The following TMEM168 variants were observed in gnomAD, a reference collection of about 807,000 sequenced individuals.
The protein encoded by TMEM168 is transmembrane protein 168.
Under a neutral mutation model 53.2 loss-of-function variants are expected in TMEM168, and 40 were observed. The observed-to-expected ratio is 0.75, with a 90% CI of 0.58 to 0.98. The LOEUF is 0.98. Among genes scored for constraint, TMEM168 ranks in the 50% least tolerant of loss-of-function variants. TMEM168 has a pLI of 0.00. For missense variants in TMEM168, 771 were observed against 828.8 expected, an observed-to-expected ratio of 0.93 and a Z score of 0.86; for synonymous variants, 282 against 293.0, an observed-to-expected ratio of 0.96 and a Z score of 0.38.
rs763357388 is a variant in TMEM168 at position 112,767,675 on chromosome 7, C to T, written c.1616G>A (p.Arg539Gln). 1.2e-5 allele frequency: 20 copies of T among 1,613,778 alleles called. No homozygotes were observed. Among genetic ancestry groups the T allele is most frequent in the South Asian group, 9.9e-5 (9 of 91,078 alleles). ...WREKNGSFCS[R>Q]LIIVLDSENS... ...TTCGCTGTCTAATACGATAATAAGC[C>T]GGGAACAAAAGGAACCATTCTTTTC... Residue 539 changes from arginine (R) to glutamine (Q), a missense_variant, in exon 5 of 5, where the codon CGG becomes CAG. Transcript: ENST00000312814.
chr7:112,780,933 T>C (rs950871164), intron 2 of TMEM168, among the ~76,000 whole-genome samples: 2 of 116,556 alleles, frequency 1.7e-5, no homozygotes, highest in Admixed American at 2.0e-4. Context: ...CACAAATACA[T>C]GATCCGTATC....
In TMEM168 at chr7:112,784,770, C is replaced by G. The variant is rs767878250; in HGVS notation, c.56G>C (p.Arg19Thr). 2 of 1,609,788 alleles carry G rather than the reference C, an allele frequency of 1.2e-6. No homozygotes were observed. The highest frequency in any genetic ancestry group is 2.7e-5 in the African/African-American group (2 of 74,752). ...CACTTCTCTATTTACTTCTTCCAGTCTTGTCATTGCTAAATAGAGACAATG... is the reference window on the plus strand; with the variant it reads ...CACTTCTCTATTTACTTCTTCCAGTGTTGTCATTGCTAAATAGAGACAATG... ...FSHCLYLAMT[R>T]LEEVNREVNM... Residue 19 changes from arginine (R) to threonine (T), a missense_variant, in exon 2 of 5, where the codon AGA becomes ACA. By Grantham distance (71) the Arg-to-Thr change is moderately conservative (BLOSUM62 -1). Transcript: ENST00000312814.
intron 2 of TMEM168, among the ~76,000 whole-genome samples, chr7:112,780,956 A>AC (rs963360299): frequency 1.3e-5 from 2 of 151,728 alleles, no homozygotes; most frequent in African/African-American, 4.8e-5. Flanking sequence ...AAAAAAAAAA[A>AC]AAAAAAAAAC....
At chr7:112,790,102 C>G (rs1464686737) in intron 1 of TMEM168, 58 bp downstream of exon 1, 1 of 152,340 alleles carries the variant, frequency 6.6e-6, no homozygotes, top group Non-Finnish European at 1.5e-5. Context: ...CCACGCGGAG[C>G]CCTGGCAGTG....
chr7:112,774,916 G>C (rs1793035518), intron 3 of TMEM168, among the ~76,000 whole-genome samples: 1 of 152,106 alleles, frequency 6.6e-6, no homozygotes, highest in Non-Finnish European at 1.5e-5. Context: ...TCCCTTTAGG[G>C]TAAGATCTTT....
At position 112,772,978 on chromosome 7, in the gene TMEM168, G is replaced by A; in HGVS notation, c.1349C>T (p.Ala450Val). The A allele has an allele frequency of 6.2e-7, 1 of 1,614,060 alleles. No individual in the cohort carries two copies. The highest frequency in any genetic ancestry group is 8.5e-7 in the Non-Finnish European group (1 of 1,179,930). ...LNLRSTGMLN[A>V]IQRFFAYHMI... Reference sequence around the variant, plus strand: ...ATGATATGCAAAAAATCTTTGGATAGCATTGAGCATGCCAGTAGACCTCAA... The same window carrying A: ...ATGATATGCAAAAAATCTTTGGATAACATTGAGCATGCCAGTAGACCTCAA... The change falls in exon 4 of 5, where the codon GCT becomes GTT. Residue 450 changes from alanine (A) to valine (V), a missense_variant. Coordinates refer to ENST00000312814, the MANE Select transcript of TMEM168 (RefSeq NM_022484.6).
At position 112,777,730 on chromosome 7, in the gene TMEM168, C is replaced by T. The variant is rs989061579; in HGVS notation, c.1129-2412G>A. Among the ~76,000 whole-genome samples the T allele has an allele frequency of 1.3e-4, 20 of 152,004 alleles. 1 individual carries two copies. The highest frequency in any genetic ancestry group is 1.2e-3 in the Admixed American group (19 of 15,256). ...TCTATTTAGTTCTTTGTAAAATCTG[C>T]CTTGTCATTTTTTAAAGTTTCCAGT... On this transcript the variant is annotated intron_variant, in intron 2 of 4. Coordinates refer to ENST00000312814, the MANE Select transcript of TMEM168 (RefSeq NM_022484.6).
chr7:112,775,264 T>C lies in TMEM168; in HGVS notation c.1183A>G (p.Met395Val), dbSNP rs746275335. The change falls in exon 3 of 5, where the codon ATG (methionine) becomes GTG (valine). Residue 395 changes from methionine to valine, a missense_variant. Met to Val is a conservative substitution (Grantham distance 21). Transcript: ENST00000312814. ...MFLIVLPLES[M>V]AHGLFHELGN... The stretch of plus-strand genomic sequence containing the variant: ...AATTCATGGAAGAGCCCATGAGCCA[T>C]GGATTCCAATGGCAAAACGATTAGA... The C allele has an allele frequency of 1.2e-6, 2 of 1,613,716 alleles. No individual in the cohort carries two copies. Among genetic ancestry groups the C allele is most frequent in the Non-Finnish European group, 1.7e-6 (2 of 1,179,836 alleles).
At position 112,767,328 on chromosome 7, in the gene TMEM168, T is replaced by C. The variant is rs1217062018; in HGVS notation, c.1963A>G (p.Asn655Asp). ...RITYPLVHLA[N>D]WLCGLNLFWI... is the part of the protein sequence containing the mutation. ...AAAAGGTTCAGACCGCATAACCAAT[T>C]TGCCAAATGCACTAGGGGATATGTA... The change falls in exon 5 of 5, where the codon AAT (asparagine) becomes GAT (aspartate). Residue 655 changes from asparagine to aspartate, a missense_variant. Coordinates refer to ENST00000312814, the MANE Select transcript of TMEM168 (RefSeq NM_022484.6). 5.0e-6 allele frequency: 8 copies of C among 1,614,038 alleles called. No homozygotes were observed. The African/African-American group carries it at 5.3e-5, about 11-fold the overall frequency.
At chr7:112,775,116 AAAT>A in intron 3 of TMEM168, 57 bp downstream of exon 3, 1 of 1,363,244 alleles carries the variant, frequency 7.3e-7, no homozygotes, top group Non-Finnish European at 9.8e-7. Context: ...TTATTCATAT[AAAT>A]ATTAAGAAAA....
chr7:112,773,630 T>A (rs1025244492), intron 3 of TMEM168, among the ~76,000 whole-genome samples: 2 of 152,110 alleles, frequency 1.3e-5, no homozygotes, highest in Non-Finnish European at 2.9e-5. Context: ...TGGACACTAG[T>A]TGAAGACTTA....
intron 4 of TMEM168, among the ~76,000 whole-genome samples, chr7:112,771,997 T>C (rs1045390866): frequency 6.6e-6 from 1 of 152,180 alleles, no homozygotes. Context: ...GGCTCTGTTA[T>C]AGGTCCTAAA....
chr7:112,768,556 A>G (rs1293180748), intron 4 of TMEM168, among the ~76,000 whole-genome samples: 1 of 152,212 alleles, frequency 6.6e-6, no homozygotes, highest in African/African-American at 2.4e-5. Flanking sequence ...ATATACCCAG[A>G]AAGTTCTAAA....
At chr7:112,773,792 A>T (rs965001325) in intron 3 of TMEM168, among the ~76,000 whole-genome samples, 5 of 152,128 alleles carry the variant, frequency 3.3e-5, no homozygotes, top group Admixed American at 2.6e-4. Context: ...TGAAAACGTT[A>T]GATTTTGCTT....
At chr7:112,783,352 G>C (rs1584449978) in intron 2 of TMEM168, among the ~76,000 whole-genome samples, 1 of 152,136 alleles carries the variant, frequency 6.6e-6, no homozygotes, top group African/African-American at 2.4e-5. Context: ...TTGGCTTTCA[G>C]TTTCCTCATG....
chr7:112,762,723 T>A lies in TMEM168; in HGVS notation c.*4474A>T, dbSNP rs1252603906. On this transcript the variant is annotated 3_prime_UTR_variant, in exon 5 of 5. Transcript: ENST00000312814. ...AAAAACCTTACGGGTAGCCCACAGT[T>A]TTCAATTTTCAGTCAACTTTGGTCT... The A allele has an allele frequency of 6.6e-6, 1 of 152,054 alleles. No individual in the cohort carries two copies. Among genetic ancestry groups the A allele is most frequent in the Non-Finnish European group, 1.5e-5 (1 of 67,930 alleles). The allele number at this position is 152,054 out of a possible 1,614,324, so 9.4% of individuals were successfully genotyped here.
chr7:112,771,732 A>T (rs1252410014), intron 4 of TMEM168, among the ~76,000 whole-genome samples: 1 of 152,028 alleles, frequency 6.6e-6, no homozygotes, highest in Non-Finnish European at 1.5e-5. Context: ...TTATATTGGC[A>T]ACTCTGCCTC....
chr7:112,786,684 A>C (rs749145678), intron 1 of TMEM168, among the ~76,000 whole-genome samples: 6 of 152,168 alleles, frequency 3.9e-5, no homozygotes, highest in Non-Finnish European at 7.3e-5. Flanking sequence ...AGCTGATGGT[A>C]CAATCTGGGC....
rs1209887325 is a variant in TMEM168, at chr7:112,763,251, CT to C, written c.*3945del. 1 of 152,016 alleles carries C rather than the reference CT, an allele frequency of 6.6e-6. No homozygotes were observed. Among genetic ancestry groups the C allele is most frequent in the Non-Finnish European group, 1.5e-5 (1 of 67,942 alleles). The allele number at this position is 152,016 out of a possible 1,614,324, so 9.4% of individuals were successfully genotyped here. ...TAACTACAAATTTGAGATTTGCTTT[CT>C]TTTTATGGATTCTGTAAGTTTTTTA... On this transcript the variant is annotated 3_prime_UTR_variant, in exon 5 of 5. Transcript: ENST00000312814.
Sources: allele counts gnomAD v4.1 joint callset (sites outside exome capture counted in the v4.1 genomes callset), GRCh38; gene constraint gnomAD v4.1.1; transcripts MANE v1.5; gene names NCBI Gene and HGNC (gene_info 2026-07-23, HGNC 2026-07-21).